KCNH7: variants seen among roughly 807,000 people sequenced by gnomAD.
KCNH7 encodes voltage-gated inwardly rectifying potassium channel KCNH7.
KCNH7 carries 49 observed loss-of-function variants against 120.8 expected under a neutral mutation model. The observed-to-expected ratio is 0.41, with a 90% CI of 0.32 to 0.51. The LOEUF (loss-of-function observed/expected upper bound fraction) is 0.51, where lower values mean the gene tolerates loss of function less well. Among genes scored for constraint, KCNH7 ranks in the 20% least tolerant of loss-of-function variants. The pLI, the probability that KCNH7 is intolerant of heterozygous loss-of-function variation, is 0.38. For missense variants in KCNH7, 1,097 were observed against 1,446.6 expected, an observed-to-expected ratio of 0.76 and a Z score of 3.92; for synonymous variants, 547 against 516.1, an observed-to-expected ratio of 1.06 and a Z score of -0.81.
intron 3 of KCNH7, 31 bp downstream of exon 3, chr2:162,536,894 G>C (rs374176303): frequency 2.5e-6 from 4 of 1,579,334 alleles, no homozygotes; most frequent in South Asian, 2.2e-5. Flanking sequence ...GAATTATCAA[G>C]AGCATTGAGT....
At chr2:162,807,396 CA>C (rs1432152121) in intron 2 of KCNH7, among the ~76,000 whole-genome samples, 14 of 151,746 alleles carry the variant, frequency 9.2e-5, no homozygotes, top group Non-Finnish European at 1.8e-4. Context: ...GATATGGTGC[CA>C]CTGCCCTCCA....
chr2:162,703,672 T>C (rs1198376275), intron 2 of KCNH7, among the ~76,000 whole-genome samples: 1 of 152,144 alleles, frequency 6.6e-6, no homozygotes, highest in Non-Finnish European at 1.5e-5. Flanking sequence ...ATTTTAAAAC[T>C]GATTAAAAAA....
At chr2:162,431,114 T>C (rs530031844) in intron 8 of KCNH7, among the ~76,000 whole-genome samples, 3 of 152,162 alleles carry the variant, frequency 2.0e-5, no homozygotes, top group East Asian at 3.9e-4. Context: ...CTATATGCAT[T>C]AGATATTTAC....
At chr2:162,461,548 C>A (rs1689145903) in intron 6 of KCNH7, among the ~76,000 whole-genome samples, 1 of 152,132 alleles carries the variant, frequency 6.6e-6, no homozygotes, top group South Asian at 2.1e-4. Context: ...ATTGAATGAA[C>A]CCAGCTCTCT....
chr2:162,792,793 G>A (rs1308838524), intron 2 of KCNH7, among the ~76,000 whole-genome samples: 1 of 144,368 alleles, frequency 6.9e-6, no homozygotes, highest in African/African-American at 2.5e-5. Context: ...GTGTGTGTGT[G>A]TGTGTGTGTG....
At chr2:162,460,703 A>G (rs1331518511) in intron 6 of KCNH7, among the ~76,000 whole-genome samples, 1 of 152,152 alleles carries the variant, frequency 6.6e-6, no homozygotes, top group Non-Finnish European at 1.5e-5. Context: ...TTGAATTTTT[A>G]TCCTCTAGAA....
chr2:162,578,829 G>A (rs536116769), intron 2 of KCNH7, among the ~76,000 whole-genome samples: 7 of 151,860 alleles, frequency 4.6e-5, no homozygotes, highest in Non-Finnish European at 1.0e-4. Flanking sequence ...AACATCTTAT[G>A]AGGAAAATCC....
At chr2:162,644,532 G>A (rs1684284106) in intron 2 of KCNH7, among the ~76,000 whole-genome samples, 1 of 152,158 alleles carries the variant, frequency 6.6e-6, no homozygotes, top group South Asian at 2.1e-4. Context: ...TCAGTGGTTT[G>A]AAATCTGACC....
intron 2 of KCNH7, among the ~76,000 whole-genome samples, chr2:162,575,772 C>T (rs1332819571): frequency 6.6e-6 from 1 of 152,058 alleles, no homozygotes; most frequent in Non-Finnish European, 1.5e-5. Context: ...ACCAGAAAAA[C>T]TATAATTGCC....
intron 2 of KCNH7, among the ~76,000 whole-genome samples, chr2:162,643,513 G>T (rs996740651): frequency 3.3e-5 from 5 of 151,926 alleles, no homozygotes; most frequent in African/African-American, 1.2e-4. Context: ...ATTGTTTAAA[G>T]AAAAATGATT....
intron 2 of KCNH7, among the ~76,000 whole-genome samples, chr2:162,706,588 A>G (rs1686709364): frequency 6.6e-6 from 1 of 152,010 alleles, no homozygotes; most frequent in Admixed American, 6.6e-5. Context: ...ATACCCTACC[A>G]TTTGACATAA....
intron 2 of KCNH7, among the ~76,000 whole-genome samples, chr2:162,677,092 T>C (rs1685554056): frequency 6.6e-6 from 1 of 151,586 alleles, no homozygotes; most frequent in Non-Finnish European, 1.5e-5. Flanking sequence ...AAAATGATTA[T>C]TTTAAAGGAC....
intron 9 of KCNH7, among the ~76,000 whole-genome samples, chr2:162,414,535 T>C (rs1374760839): frequency 6.6e-6 from 1 of 151,834 alleles, no homozygotes; most frequent in Non-Finnish European, 1.5e-5. Flanking sequence ...GTTGGAGATA[T>C]TTTCACGAGA....
rs545610542 is a variant in KCNH7 at position 162,474,124 on chromosome 2, C to A, written c.1129-27681G>T. On this transcript the variant is annotated intron_variant, in intron 6 of 15. Transcript: ENST00000332142. ...TTCACAATAATCCTATAAAGTAGCT[C>A]TTATTACCATTTCAGGTTTCAATGA... Among the ~76,000 whole-genome samples, 8 of 152,300 alleles carry A rather than the reference C, an allele frequency of 5.3e-5. No individual in the cohort carries two copies. The South Asian group carries it at 1.7e-3, about 32-fold the overall frequency.
At chr2:162,571,209 A>C (rs1693461532) in intron 2 of KCNH7, among the ~76,000 whole-genome samples, 1 of 152,014 alleles carries the variant, frequency 6.6e-6, no homozygotes, top group African/African-American at 2.4e-5. Context: ...TCACGATACA[A>C]AATCAATGTA....
At chr2:162,683,133 C>T (rs1685772073) in intron 2 of KCNH7, among the ~76,000 whole-genome samples, 1 of 151,754 alleles carries the variant, frequency 6.6e-6, no homozygotes, top group African/African-American at 2.4e-5. Context: ...TGAACCAGAA[C>T]TCTTTATTGC....
At chr2:162,777,959 A>C (rs960854327) in intron 2 of KCNH7, among the ~76,000 whole-genome samples, 1 of 152,150 alleles carries the variant, frequency 6.6e-6, no homozygotes, top group Non-Finnish European at 1.5e-5. Context: ...TTTTTTAAAA[A>C]GGCTAACTTT....
intron 9 of KCNH7, among the ~76,000 whole-genome samples, chr2:162,415,408 G>A (rs1687509442): frequency 6.6e-6 from 1 of 152,128 alleles, no homozygotes; most frequent in Admixed American, 6.5e-5. Flanking sequence ...AGAAAAAAAT[G>A]TATGTATATG....
chr2:162,612,730 C>T (rs1160555236), intron 2 of KCNH7, among the ~76,000 whole-genome samples: 1 of 151,858 alleles, frequency 6.6e-6, no homozygotes, highest in Non-Finnish European at 1.5e-5. Context: ...ATATAATATA[C>T]ATACATACAT....
Sources: gnomAD v4.1 joint callset for allele counts (sites outside exome capture counted in the v4.1 genomes callset) on GRCh38, gnomAD v4.1.1 for gene constraint, MANE v1.5 for transcripts, NCBI Gene and HGNC (gene_info 2026-07-23, HGNC 2026-07-21) for gene names.